The following GLIS3 variants were observed in gnomAD, a reference collection of about 807,000 sequenced individuals.
GLIS3 encodes the protein zinc finger protein GLIS3.
GLIS3 carries 53 observed loss-of-function variants against 78.6 expected under a neutral mutation model. The observed-to-expected ratio is 0.67, with a 90% CI of 0.54 to 0.85. The LOEUF (loss-of-function observed/expected upper bound fraction) is 0.85. Among genes scored for constraint, GLIS3 ranks in the 40% least tolerant of loss-of-function variants. The probability of loss-of-function intolerance (pLI) is 0.00; values close to 1 mark genes in which losing one functional copy is unlikely to be tolerated. For synonymous variants in GLIS3, 684 were observed against 509.9 expected (o/e 1.34, Z -4.60); for missense variants, 1,703 against 1,231.1 (o/e 1.38, Z -5.74).
At chr9:4,024,544 C>T (rs1823155053) in intron 4 of GLIS3, among the ~76,000 whole-genome samples, 1 of 152,148 alleles carries the variant, frequency 6.6e-6, no homozygotes, top group Non-Finnish European at 1.5e-5. Flanking sequence ...AACTCAGTCT[C>T]TTCATTTCTC....
At chr9:4,026,429 A>C (rs916796318) in intron 4 of GLIS3, among the ~76,000 whole-genome samples, 4 of 152,252 alleles carry the variant, frequency 2.6e-5, no homozygotes, top group African/African-American at 9.6e-5. Context: ...GCACTGAAGT[A>C]TGAAAGCTCA....
chr9:4,231,084 A>C lies in GLIS3; in HGVS notation c.388+54954T>G, dbSNP rs559144798. 1.6e-3 allele frequency among the ~76,000 whole-genome samples: 185 copies of C among 118,660 alleles called. 1 individual carries two copies. Among genetic ancestry groups the C allele is most frequent in the Non-Finnish European group, 1.9e-3 (108 of 58,316 alleles). The allele number at this position is 118,660 out of a possible 152,430, so 77.8% of individuals were successfully genotyped here. On this transcript the variant is annotated intron_variant, in intron 2 of 10. Transcript: ENST00000381971. ...GAGACTGTCTGTAAAAAAGTAAAAA[A>C]TAAAATAAGATAAATATGTTCAGGA...
chr9:3,937,268 T>G (rs1825952412), intron 4 of GLIS3, 79 bp from the exon 5 acceptor site: 1 of 1,439,250 alleles, frequency 6.9e-7, no homozygotes, highest in Non-Finnish European at 9.7e-7. Flanking sequence ...AAAAAAAATG[T>G]TCTTAGTTGG....
intron 2 of GLIS3, among the ~76,000 whole-genome samples, chr9:4,257,022 T>A (rs868637112): frequency 1.4e-4 from 21 of 152,144 alleles, no homozygotes; most frequent in African/African-American, 4.1e-4. Flanking sequence ...TACATATATG[T>A]GTTAATATTA....
intron 4 of GLIS3, among the ~76,000 whole-genome samples, chr9:4,043,524 C>T (rs114115808): frequency 0.027 from 4,041 of 151,982 alleles, 173 homozygotes; most frequent in African/African-American, 0.09. Context: ...GGGAAGGGGC[C>T]TTTAAATCAT....
intron 2 of GLIS3, among the ~76,000 whole-genome samples, chr9:4,271,427 C>A (rs1045361675): frequency 6.6e-6 from 1 of 152,058 alleles, no homozygotes; most frequent in Admixed American, 6.6e-5. Flanking sequence ...TGGTATATAT[C>A]CTATTGGTTC....
the GLIS3 span, among the ~76,000 whole-genome samples, chr9:4,374,190 G>T: frequency 6.6e-6 from 1 of 152,114 alleles, no homozygotes; most frequent in African/African-American, 2.4e-5. Context: ...CCTTCTAATT[G>T]GATGCCAGCA....
chr9:3,881,005 C>G lies in GLIS3; in HGVS notation c.2129-1410G>C, dbSNP rs10973998. 0.19 allele frequency among the ~76,000 whole-genome samples: 29,242 copies of G among 152,122 alleles called. 2,876 individuals carry two copies. The highest frequency in any genetic ancestry group is 0.22 in the African/African-American group (9,217 of 41,482). On this transcript the variant is annotated intron_variant, in intron 7 of 10. Transcript: ENST00000381971. ...GGCAAGGCTGAGCTTCTGTTGTGTG[C>G]GTCAGCTTCCATACAAGTTGCATAT...
chr9:4,353,893 C>T, the GLIS3 span, among the ~76,000 whole-genome samples: 1 of 152,196 alleles, frequency 6.6e-6, no homozygotes, highest in African/African-American at 2.4e-5. Context: ...AGTGGCGCGA[C>T]CTCGGCTCAC....
chr9:4,453,345 CAAAAA>C, the GLIS3 span, among the ~76,000 whole-genome samples: 6 of 91,672 alleles, frequency 6.5e-5, no homozygotes, highest in Middle Eastern at 0.015. Context: ...TTCTGCACAG[CAAAAA>C]AAAAAAAAAA....
At chr9:3,865,273 C>G (rs148376633) in intron 8 of GLIS3, among the ~76,000 whole-genome samples, 1 of 152,210 alleles carries the variant, frequency 6.6e-6, no homozygotes, top group Non-Finnish European at 1.5e-5. Flanking sequence ...CAACACAGTT[C>G]TTCACGTGCA....
At chr9:4,489,900 G>A in the GLIS3 span, among the ~76,000 whole-genome samples, 3 of 152,198 alleles carry the variant, frequency 2.0e-5, no homozygotes, top group Non-Finnish European at 4.4e-5. Context: ...AATCCCTGTG[G>A]GGGCACTGGA....
At chr9:4,292,170 G>C (rs1406732010) in intron 1 of GLIS3, among the ~76,000 whole-genome samples, 1 of 152,156 alleles carries the variant, frequency 6.6e-6, no homozygotes, top group Non-Finnish European at 1.5e-5. Flanking sequence ...TTTTAAAGTA[G>C]TGTTTTTCAA....
At chr9:4,335,879 G>T (rs1817748364) in intron 2 of GLIS3, among the ~76,000 whole-genome samples, 1 of 152,154 alleles carries the variant, frequency 6.6e-6, no homozygotes, top group Non-Finnish European at 1.5e-5. Context: ...TTTGTATCCA[G>T]TTCCAAGAAA....
At chr9:4,168,155 T>C (rs1249447369) in intron 2 of GLIS3, among the ~76,000 whole-genome samples, 2 of 152,022 alleles carry the variant, frequency 1.3e-5, no homozygotes, top group Non-Finnish European at 2.9e-5. Flanking sequence ...GCCTTTCTTA[T>C]CTTCTCTCTC....
intron 4 of GLIS3, among the ~76,000 whole-genome samples, chr9:4,090,526 G>C (rs1172924042): frequency 6.6e-6 from 1 of 152,046 alleles, no homozygotes; most frequent in East Asian, 1.9e-4. Flanking sequence ...GGAAAGAAAA[G>C]GGAAAGCTTC....
intron 9 of GLIS3, among the ~76,000 whole-genome samples, chr9:3,844,163 A>G (rs756106384): frequency 3.9e-5 from 6 of 152,110 alleles, no homozygotes; most frequent in Non-Finnish European, 8.8e-5. Flanking sequence ...CTAGCATTCT[A>G]TTGTTTTTGT....
chr9:4,019,946 C>T (rs909891023), intron 4 of GLIS3, among the ~76,000 whole-genome samples: 2 of 152,102 alleles, frequency 1.3e-5, no homozygotes, highest in East Asian at 1.9e-4. Flanking sequence ...TTTGTAGAGA[C>T]GGGGTATTGT....
chr9:3,875,788 C>T (rs1309973668), intron 8 of GLIS3, among the ~76,000 whole-genome samples: 1 of 152,150 alleles, frequency 6.6e-6, no homozygotes, highest in Non-Finnish European at 1.5e-5. Flanking sequence ...GGCACACGTC[C>T]AGTAGGGGAG....
Sources: gnomAD v4.1 joint callset for allele counts (sites outside exome capture counted in the v4.1 genomes callset) on GRCh38, gnomAD v4.1.1 for gene constraint, MANE v1.5 for transcripts, NCBI Gene and HGNC (gene_info 2026-07-23, HGNC 2026-07-21) for gene names.